Variants in KIF6 observed in about 807,000 individuals in gnomAD.
The protein encoded by KIF6 is kinesin family member 6.
A neutral mutation model predicts 112.7 loss-of-function variants in KIF6; 106 were observed. The observed-to-expected ratio is 0.94, with a 90% CI of 0.80 to 1.11. KIF6 has a LOEUF of 1.11. KIF6 is among the 50% of genes least tolerant of loss of function. The pLI is 0.00. For synonymous variants in KIF6, 339 were observed against 339.9 expected (o/e 1.00, Z 0.03); for missense variants, 929 against 964.0 (o/e 0.96, Z 0.48).
At chr6:39,346,086 C>CTCTCTCTCTCT (rs1326236666) in intron 20 of KIF6, among the ~76,000 whole-genome samples, 1,430 of 26,938 alleles carry the variant, frequency 0.053, 350 homozygotes, top group Middle Eastern at 0.12. Context: ...CTCTCTCTCT[C>CTCTCTCTCTCT]CCCCCCCTCT....
Position 39,343,551 on chromosome 6 carries a change from G to T in KIF6, c.2428+158C>A. The T allele has an allele frequency of 7.4e-7, 1 of 1,347,062 alleles. No homozygotes were observed. The highest frequency in any genetic ancestry group is 1.0e-6 in the Non-Finnish European group (1 of 992,864). 83.4% of individuals were successfully genotyped at this position (1,347,062 alleles called of 1,614,324 possible). ...TGCCCCTTGAGGCTTTCTCGAGAAG[G>T]AATCAGAGGCTGGGCACATGTGACT... On this transcript the variant is annotated intron_variant, in intron 22 of 22. Coordinates refer to ENST00000287152, the MANE Select transcript of KIF6 (RefSeq NM_145027.6). This position sits in a 1 kb window ranked among gnomAD's most constrained non-coding sequence, Gnocchi z 4.1.
chr6:39,688,646 A>T (rs1328935105), intron 3 of KIF6, among the ~76,000 whole-genome samples: 1 of 152,192 alleles, frequency 6.6e-6, no homozygotes, highest in Non-Finnish European at 1.5e-5. Context: ...CTGCCACAGC[A>T]TTTGTAATCA....
At chr6:39,431,351 A>AC in intron 13 of KIF6, 190 bp from the exon 14 acceptor site, 2 of 562,910 alleles carry the variant, frequency 3.6e-6, no homozygotes, top group Admixed American at 3.1e-5. Flanking sequence ...TTCCAGTGCC[A>AC]CCCGCTGCAC....
At chr6:39,450,220 A>T (rs1050324607) in intron 13 of KIF6, among the ~76,000 whole-genome samples, 1 of 152,184 alleles carries the variant, frequency 6.6e-6, no homozygotes, top group African/African-American at 2.4e-5. Context: ...GGGTCATCCA[A>T]GCTAATATCT....
At chr6:39,435,656 C>G (rs1359672885) in intron 13 of KIF6, among the ~76,000 whole-genome samples, 3 of 152,018 alleles carry the variant, frequency 2.0e-5, no homozygotes, top group Non-Finnish European at 4.4e-5. Flanking sequence ...AGTTACTTTA[C>G]TTAGGATAAT....
At chr6:39,494,646 T>C (rs1775669942) in intron 13 of KIF6, among the ~76,000 whole-genome samples, 1 of 152,208 alleles carries the variant, frequency 6.6e-6, no homozygotes, top group South Asian at 2.1e-4. Flanking sequence ...GGTATTTTAT[T>C]CATGGAGAGA....
chr6:39,722,552 A>G (rs1790278527), intron 1 of KIF6, among the ~76,000 whole-genome samples: 1 of 152,348 alleles, frequency 6.6e-6, no homozygotes, highest in South Asian at 2.1e-4. Flanking sequence ...TATCCTTTTT[A>G]TTAATCTGTT....
At chr6:39,344,913 G>C (rs1188644405) in intron 21 of KIF6, among the ~76,000 whole-genome samples, 1 of 152,208 alleles carries the variant, frequency 6.6e-6, no homozygotes, top group African/African-American at 2.4e-5. Flanking sequence ...CGGGTGACCA[G>C]GTGCTGGCCA....
chr6:39,403,416 G>A (rs1440710329), intron 15 of KIF6, among the ~76,000 whole-genome samples: 1 of 152,174 alleles, frequency 6.6e-6, no homozygotes, highest in Non-Finnish European at 1.5e-5. Flanking sequence ...ATAGTAGGAG[G>A]CTTTATGAGA....
rs559493718 is a variant in KIF6 at position 39,357,418 on chromosome 6, A to G, written c.2083-44T>C. 3.6e-6 allele frequency: 4 copies of G among 1,122,240 alleles called. No individual in the cohort carries two copies. The African/African-American group carries it at 4.7e-5, about 13-fold the overall frequency. The allele number at this position is 1,122,240 out of a possible 1,614,324, so 69.5% of individuals were successfully genotyped here. On this transcript the variant is annotated intron_variant, in intron 18 of 22. Coordinates refer to ENST00000287152, the MANE Select transcript of KIF6 (RefSeq NM_145027.6). ...GTTTCACAGTGTTAGCTTGAATCTAATGACATAGGAAGATGTTTTTGATGT... is the reference window on the plus strand; with the variant it reads ...GTTTCACAGTGTTAGCTTGAATCTAGTGACATAGGAAGATGTTTTTGATGT...
chr6:39,536,296 A>T (rs1440227943), intron 13 of KIF6, among the ~76,000 whole-genome samples: 3 of 152,220 alleles, frequency 2.0e-5, no homozygotes, highest in African/African-American at 7.2e-5. Context: ...TTAAAGGATC[A>T]ACAAAATTGA....
chr6:39,365,321 G>T (rs1765476025), intron 16 of KIF6, among the ~76,000 whole-genome samples: 2 of 152,166 alleles, frequency 1.3e-5, no homozygotes, highest in South Asian at 4.1e-4. Flanking sequence ...CCCACCTGAA[G>T]TCCACACTGT....
At chr6:39,721,307 G>A (rs1790204247) in intron 1 of KIF6, among the ~76,000 whole-genome samples, 1 of 152,132 alleles carries the variant, frequency 6.6e-6, no homozygotes, top group African/African-American at 2.4e-5. Flanking sequence ...GGTTCCATGA[G>A]ACATTTTCAG....
chr6:39,496,329 T>C (rs1286301326), intron 13 of KIF6, among the ~76,000 whole-genome samples: 1 of 152,220 alleles, frequency 6.6e-6, no homozygotes, highest in African/African-American at 2.4e-5. Context: ...AATGGCTCAA[T>C]TGGCTCCCAT....
chr6:39,346,315 A>G (rs1763800447), intron 20 of KIF6, 161 bp downstream of exon 20: 2 of 697,228 alleles, frequency 2.9e-6, no homozygotes, highest in Non-Finnish European at 5.2e-6. Flanking sequence ...ATGGTAGTAG[A>G]GGTGGGGCCT....
At chr6:39,421,906 G>A (rs1432243613) in intron 14 of KIF6, among the ~76,000 whole-genome samples, 1 of 152,116 alleles carries the variant, frequency 6.6e-6, no homozygotes, top group Admixed American at 6.6e-5. Context: ...GGCGACATTT[G>A]CTGCAGGCCA....
At chr6:39,705,039 T>C (rs1272169136) in intron 3 of KIF6, among the ~76,000 whole-genome samples, 1 of 152,280 alleles carries the variant, frequency 6.6e-6, no homozygotes, top group East Asian at 1.9e-4. Flanking sequence ...CAAATACCAA[T>C]TTCGGAATTG....
At chr6:39,496,149 A>G (rs1401702201) in intron 13 of KIF6, among the ~76,000 whole-genome samples, 2 of 152,164 alleles carry the variant, frequency 1.3e-5, no homozygotes, top group Non-Finnish European at 2.9e-5. Flanking sequence ...CGAATCCCAC[A>G]TAATCGGCAT....
chr6:39,481,512 C>A (rs954876987), intron 13 of KIF6, among the ~76,000 whole-genome samples: 2 of 152,108 alleles, frequency 1.3e-5, no homozygotes, highest in African/African-American at 4.8e-5. Flanking sequence ...GCCTTTTAAA[C>A]GAATCTCTCC....
Sources: allele counts gnomAD v4.1 joint callset (sites outside exome capture counted in the v4.1 genomes callset), GRCh38; gene constraint gnomAD v4.1.1; non-coding constraint Gnocchi (gnomAD v3.1); transcripts MANE v1.5; gene names NCBI Gene and HGNC (gene_info 2026-07-23, HGNC 2026-07-21).